EHBP1: variants seen among roughly 807,000 people sequenced by gnomAD.
EHBP1 encodes the protein EH domain binding protein 1.
Under a neutral mutation model 144.0 loss-of-function variants are expected in EHBP1, and 55 were observed. The observed-to-expected ratio is 0.38, with a 90% CI of 0.31 to 0.48. EHBP1 has a LOEUF of 0.48. Among genes scored for constraint, EHBP1 ranks in the 20% least tolerant of loss-of-function variants. The probability of loss-of-function intolerance (pLI) is 0.98; values close to 1 mark genes in which losing one functional copy is unlikely to be tolerated. For missense variants in EHBP1, 1,200 were observed against 1,364.2 expected, an observed-to-expected ratio of 0.88 and a Z score of 1.90; for synonymous variants, 469 against 472.7, an observed-to-expected ratio of 0.99 and a Z score of 0.10.
chr2:62,816,699 G>A (rs1238523767), intron 5 of EHBP1, among the ~76,000 whole-genome samples: 2 of 152,194 alleles, frequency 1.3e-5, no homozygotes, highest in Non-Finnish European at 2.9e-5. Flanking sequence ...GATTTAGCTA[G>A]TTTAAGACGT....
chr2:62,841,141 C>T (rs1240920207), intron 7 of EHBP1, among the ~76,000 whole-genome samples: 4 of 152,060 alleles, frequency 2.6e-5, no homozygotes, highest in Admixed American at 6.5e-5. Context: ...ACATATACAC[C>T]ATGGAATATT....
At chr2:62,781,977 G>C (rs2042451842) in intron 5 of EHBP1, among the ~76,000 whole-genome samples, 1 of 152,178 alleles carries the variant, frequency 6.6e-6, no homozygotes, top group South Asian at 2.1e-4. Flanking sequence ...TTCTAAAGTG[G>C]ATGTTATTAT....
chr2:63,011,598 C>A (rs532950970), intron 19 of EHBP1, among the ~76,000 whole-genome samples: 1 of 151,812 alleles, frequency 6.6e-6, no homozygotes, highest in Non-Finnish European at 1.5e-5. Flanking sequence ...CTTGGTATTA[C>A]AAGTCAAAAA....
intron 5 of EHBP1, among the ~76,000 whole-genome samples, chr2:62,823,451 A>G (rs929117017): frequency 3.3e-5 from 5 of 152,072 alleles, no homozygotes; most frequent in Non-Finnish European, 7.4e-5. Context: ...CAGCAATAAT[A>G]GTAATTCTCT....
chr2:62,982,958 C>G (rs1367669997), intron 15 of EHBP1, among the ~76,000 whole-genome samples: 5 of 152,136 alleles, frequency 3.3e-5, no homozygotes, highest in Non-Finnish European at 7.4e-5. Context: ...AGACCTATAT[C>G]CTATTGCAAC....
chr2:62,704,160 GAATC>G (rs2034367740), upstream of EHBP1, among the ~76,000 whole-genome samples: 1 of 152,188 alleles, frequency 6.6e-6, no homozygotes, highest in African/African-American at 2.4e-5. Flanking sequence ...TAGAAAATAA[GAATC>G]AATATGATTA....
chr2:62,934,022 G>T (rs1392593251), intron 10 of EHBP1, among the ~76,000 whole-genome samples: 1 of 152,022 alleles, frequency 6.6e-6, no homozygotes, highest in South Asian at 2.1e-4. Flanking sequence ...ATTTTAAAGT[G>T]CTGCTGTGAA....
intron 18 of EHBP1, among the ~76,000 whole-genome samples, chr2:62,994,589 G>A (rs1309713940): frequency 6.6e-6 from 1 of 152,108 alleles, no homozygotes; most frequent in East Asian, 1.9e-4. Flanking sequence ...CGGGACAGAA[G>A]CAGGAAGAAC....
At chr2:62,833,150 T>C (rs1280100266) in intron 7 of EHBP1, among the ~76,000 whole-genome samples, 1 of 152,202 alleles carries the variant, frequency 6.6e-6, no homozygotes, top group East Asian at 1.9e-4. Flanking sequence ...CAAAGCCTAA[T>C]CCAGATCAAG....
At chr2:62,732,153 A>G (rs530856191) in intron 2 of EHBP1, among the ~76,000 whole-genome samples, 13 of 152,002 alleles carry the variant, frequency 8.6e-5, no homozygotes, top group South Asian at 2.1e-4. Flanking sequence ...GCTTCTTTCA[A>G]TATTTTCCTT....
At chr2:62,726,819 G>A (rs1297099103) in intron 2 of EHBP1, 1 of 151,548 alleles carries the variant, frequency 6.6e-6, no homozygotes, top group Non-Finnish European at 1.5e-5. Flanking sequence ...CCATCCTGTT[G>A]AATTAATTAA....
intron 5 of EHBP1, among the ~76,000 whole-genome samples, chr2:62,800,754 G>T (rs1161993357): frequency 2.0e-5 from 3 of 152,124 alleles, no homozygotes; most frequent in Non-Finnish European, 2.9e-5. Flanking sequence ...TCAAACAGAT[G>T]TTAGTATGAA....
intron 19 of EHBP1, among the ~76,000 whole-genome samples, chr2:63,009,920 A>G (rs765436440): frequency 6.6e-6 from 1 of 151,546 alleles, no homozygotes; most frequent in African/African-American, 2.4e-5. Flanking sequence ...TAATAATCAA[A>G]TAGAACAATT....
intron 2 of EHBP1, among the ~76,000 whole-genome samples, chr2:62,737,492 G>A (rs1007135984): frequency 2.0e-5 from 3 of 152,210 alleles, no homozygotes; most frequent in Admixed American, 1.3e-4. Context: ...GCTCTGGTAA[G>A]TTGTGATTCT....
At chr2:62,730,056 A>G (rs2037358226) in intron 2 of EHBP1, among the ~76,000 whole-genome samples, 2 of 152,146 alleles carry the variant, frequency 1.3e-5, no homozygotes, top group Non-Finnish European at 2.9e-5. Flanking sequence ...TTTATTGACT[A>G]CTGTTCTATC....
chr2:62,922,123 G>A lies in EHBP1; in HGVS notation c.1186-20595G>A, dbSNP rs145738984. ...CTGGGAGGTGGAGGTTGCAGTGAGC[G>A]GAGATCGCACCACTGCACTCCAGCC... On this transcript the variant is annotated intron_variant, in intron 10 of 22. Coordinates refer to ENST00000431489, the MANE Select transcript of EHBP1 (RefSeq NM_001142616.3). Among the ~76,000 whole-genome samples, 159 of 152,126 alleles carry A rather than the reference G, an allele frequency of 1.0e-3. 2 individuals carry two copies. The East Asian group carries it at 0.029, about 28-fold the overall frequency.
intron 19 of EHBP1, among the ~76,000 whole-genome samples, chr2:62,998,871 GTT>G (rs1019282453): frequency 2.4e-4 from 37 of 152,230 alleles, no homozygotes; most frequent in African/African-American, 8.2e-4. Flanking sequence ...ATCCTAGACT[GTT>G]TTAAACCTCC....
chr2:62,706,959 C>A lies in EHBP1; in HGVS notation c.-233C>A. ...ATGGTGATGTCTCCATGAGGGAACC[C>A]CTTCCCACTCATCCTGTCACGTATA... On this transcript the variant is annotated 5_prime_UTR_variant, in exon 2 of 23. Transcript: ENST00000431489. The A allele has an allele frequency of 2.1e-6, 1 of 475,612 alleles. No individual in the cohort carries two copies. The highest frequency in any genetic ancestry group is 3.8e-6 in the Non-Finnish European group (1 of 260,406). 29.5% of individuals were successfully genotyped at this position (475,612 alleles called of 1,614,324 possible).
intron 5 of EHBP1, among the ~76,000 whole-genome samples, chr2:62,785,255 C>T (rs1167639368): frequency 6.6e-6 from 1 of 152,024 alleles, no homozygotes; most frequent in African/African-American, 2.4e-5. Context: ...GATCATAACC[C>T]ACAGTTTAAA....
Sources: gnomAD v4.1 joint callset for allele counts (sites outside exome capture counted in the v4.1 genomes callset) on GRCh38, gnomAD v4.1.1 for gene constraint, MANE v1.5 for transcripts, NCBI Gene and HGNC (gene_info 2026-07-23, HGNC 2026-07-21) for gene names.